Variants in EDIL3 observed in about 807,000 individuals in gnomAD.
EDIL3 encodes EGF like and discoidin domains 3.
Under a neutral mutation model 67.4 loss-of-function variants are expected in EDIL3, and 37 were observed. The observed-to-expected ratio is 0.55, with a 90% CI of 0.42 to 0.72. EDIL3 has a LOEUF of 0.72. Among genes scored for constraint, EDIL3 ranks in the 30% least tolerant of loss-of-function variants. The probability of loss-of-function intolerance (pLI) is 0.00; values close to 1 mark genes in which losing one functional copy is unlikely to be tolerated. For missense variants in EDIL3, 527 were observed against 586.3 expected (o/e 0.90, Z 1.04); for synonymous variants, 195 against 196.3 (o/e 0.99, Z 0.05).
chr5:84,221,526 C>T (rs906680776), intron 3 of EDIL3, among the ~76,000 whole-genome samples: 24 of 150,890 alleles, frequency 1.6e-4, no homozygotes, highest in African/African-American at 5.6e-4. Context: ...AGTTAAACAT[C>T]ACTATCACAC....
intron 1 of EDIL3, among the ~76,000 whole-genome samples, chr5:84,377,400 G>A (rs939094939): frequency 4.0e-5 from 6 of 151,372 alleles, no homozygotes; most frequent in Non-Finnish European, 5.9e-5. Flanking sequence ...ATTACAGAGA[G>A]GGATCTGTCC....
chr5:84,172,658 T>C (rs1486428113), intron 4 of EDIL3, among the ~76,000 whole-genome samples: 1 of 152,072 alleles, frequency 6.6e-6, no homozygotes, highest in Admixed American at 6.6e-5. Flanking sequence ...GTGAATTCTT[T>C]ATTAGGGAAT....
chr5:84,070,508 G>C (rs1246777769), intron 6 of EDIL3, among the ~76,000 whole-genome samples: 1 of 152,082 alleles, frequency 6.6e-6, no homozygotes, highest in Non-Finnish European at 1.5e-5. Flanking sequence ...GGGGACAAGG[G>C]AACTTTTCCC....
chr5:84,143,038 A>AT (rs1205752943), intron 4 of EDIL3, among the ~76,000 whole-genome samples: 1 of 151,988 alleles, frequency 6.6e-6, no homozygotes, highest in African/African-American at 2.4e-5. Context: ...CCCATGAGTG[A>AT]TTGCCTTTTA....
intron 1 of EDIL3, among the ~76,000 whole-genome samples, chr5:84,302,024 G>A (rs556761174): frequency 1.2e-4 from 19 of 152,094 alleles, no homozygotes; most frequent in Non-Finnish European, 2.2e-4. Flanking sequence ...GTTAAAAACC[G>A]ATAAAAATAT....
intron 9 of EDIL3, among the ~76,000 whole-genome samples, chr5:84,054,306 T>C (rs1746401305): frequency 6.6e-6 from 1 of 152,144 alleles, no homozygotes; most frequent in South Asian, 2.1e-4. Flanking sequence ...ATGGGATGTA[T>C]CTAAAAATAA....
chr5:84,086,608 C>T (rs1231817715), intron 6 of EDIL3, among the ~76,000 whole-genome samples: 1 of 152,120 alleles, frequency 6.6e-6, no homozygotes, highest in Non-Finnish European at 1.5e-5. Flanking sequence ...GCCATCTTGG[C>T]CCCTCCAAAA....
chr5:84,057,251 G>A (rs1379058451), intron 9 of EDIL3, among the ~76,000 whole-genome samples: 3 of 152,120 alleles, frequency 2.0e-5, no homozygotes, highest in Non-Finnish European at 4.4e-5. Flanking sequence ...CTTGAACAAA[G>A]TGATAGATGG....
intron 1 of EDIL3, among the ~76,000 whole-genome samples, chr5:84,366,702 G>A (rs939730204): frequency 4.6e-5 from 7 of 152,056 alleles, no homozygotes; most frequent in Middle Eastern, 3.2e-3. Flanking sequence ...CACTAACTAC[G>A]AAAGACTCTA....
chr5:84,219,441 T>C (rs540638164), intron 3 of EDIL3, among the ~76,000 whole-genome samples: 71 of 152,236 alleles, frequency 4.7e-4, no homozygotes, highest in Non-Finnish European at 4.9e-4. Flanking sequence ...TTACAAAATA[T>C]AGGCAATATT....
chr5:84,239,124 T>G (rs1259528907), intron 2 of EDIL3, among the ~76,000 whole-genome samples: 1 of 152,188 alleles, frequency 6.6e-6, no homozygotes, highest in Non-Finnish European at 1.5e-5. Flanking sequence ...GGCCCATTCT[T>G]TGACAGGCCA....
intron 1 of EDIL3, among the ~76,000 whole-genome samples, chr5:84,263,964 G>C (rs755557842): frequency 3.9e-5 from 6 of 152,204 alleles, no homozygotes; most frequent in Non-Finnish European, 7.3e-5. Flanking sequence ...TTCTGGCCAG[G>C]AATGATGGCT....
intron 6 of EDIL3, among the ~76,000 whole-genome samples, chr5:84,073,547 C>T (rs1177982062): frequency 2.0e-5 from 3 of 152,100 alleles, no homozygotes; most frequent in African/African-American, 4.8e-5. Flanking sequence ...TTCTTAAACA[C>T]CAACAACAGA....
At chr5:84,137,816 C>T (rs762621834) in intron 4 of EDIL3, among the ~76,000 whole-genome samples, 4 of 152,152 alleles carry the variant, frequency 2.6e-5, no homozygotes, top group East Asian at 1.9e-4. Flanking sequence ...CTAAATAGTT[C>T]GTCTTTGATG....
Position 84,077,637 on chromosome 5 carries a change from G to C in EDIL3, c.652-11031C>G, listed in dbSNP as rs140623894. On this transcript the variant is annotated intron_variant, in intron 6 of 10. Transcript: ENST00000296591. Reference sequence around the variant, plus strand: ...GCATGAGAACAGCATGGGAAAACCTGTCCCCATGATTCAATTACCTCCCAC... The same window carrying C: ...GCATGAGAACAGCATGGGAAAACCTCTCCCCATGATTCAATTACCTCCCAC... 9.9e-3 allele frequency among the ~76,000 whole-genome samples: 1,510 copies of C among 152,102 alleles called. 30 individuals carry two copies. The highest frequency in any genetic ancestry group is 0.035 in the African/African-American group (1,448 of 41,486).
chr5:84,366,641 T>C (rs1279863761), intron 1 of EDIL3, among the ~76,000 whole-genome samples: 2 of 152,118 alleles, frequency 1.3e-5, no homozygotes, highest in African/African-American at 4.8e-5. Flanking sequence ...TTCTATTGTA[T>C]CAGAAATGAT....
chr5:84,054,600 C>A lies in EDIL3; in HGVS notation c.1137+5700G>T, dbSNP rs535004780. 1.1e-4 allele frequency among the ~76,000 whole-genome samples: 16 copies of A among 152,170 alleles called. No individual in the cohort carries two copies. In the South Asian group the frequency reaches 2.5e-3, roughly 24 times the overall value. ...AAAATCTCCTTAAGCTGATAAGCAA[C>A]TTCAGCAAAGTCTCAGGATACAAAA... On this transcript the variant is annotated intron_variant, in intron 9 of 10. Transcript: ENST00000296591.
chr5:83,950,635 T>C (rs930236783), intron 10 of EDIL3, among the ~76,000 whole-genome samples: 4 of 151,890 alleles, frequency 2.6e-5, no homozygotes, highest in Non-Finnish European at 5.9e-5. Context: ...TAGGTTCTAC[T>C]CTCTCTATTT....
intron 9 of EDIL3, among the ~76,000 whole-genome samples, chr5:84,051,483 A>T (rs1746337940): frequency 6.6e-6 from 1 of 152,262 alleles, no homozygotes; most frequent in Non-Finnish European, 1.5e-5. Context: ...AGTTGAGAGA[A>T]GAAGGCTTCA....
Sources: allele counts gnomAD v4.1 joint callset (sites outside exome capture counted in the v4.1 genomes callset), GRCh38; gene constraint gnomAD v4.1.1; transcripts MANE v1.5; gene names NCBI Gene and HGNC (gene_info 2026-07-23, HGNC 2026-07-21).